The following CCBE1 variants were observed in gnomAD, a reference collection of about 807,000 sequenced individuals.
CCBE1 encodes the protein collagen and calcium binding EGF domains 1.
In CCBE1, 37 loss-of-function variants were observed where a neutral mutation model predicts 50.0. The observed-to-expected ratio is 0.74, with a 90% CI of 0.57 to 0.97. The LOEUF (loss-of-function observed/expected upper bound fraction) is 0.97. Among genes scored for constraint, CCBE1 ranks in the 50% least tolerant of loss-of-function variants. The probability of loss-of-function intolerance (pLI) is 0.00; values close to 1 mark genes in which losing one functional copy is unlikely to be tolerated. For missense variants in CCBE1, 538 were observed against 523.8 expected, an observed-to-expected ratio of 1.03 and a Z score of -0.26; for synonymous variants, 234 against 203.7, an observed-to-expected ratio of 1.15 and a Z score of -1.27.
chr18:59,593,001 C>A (rs187447390), intron 2 of CCBE1, among the ~76,000 whole-genome samples: 1 of 152,004 alleles, frequency 6.6e-6, no homozygotes, highest in African/African-American at 2.4e-5. Flanking sequence ...ATCAGTGATG[C>A]GTACATGGGC....
At chr18:59,495,822 A>C (rs585130) in intron 2 of CCBE1, among the ~76,000 whole-genome samples, 101,365 of 151,812 alleles carry the variant, frequency 0.67, 35,054 homozygotes, top group East Asian at 0.95. Flanking sequence ...TCTCCAGGCA[A>C]CTGCCGCTCT....
chr18:59,673,081 T>C (rs1599124163), intron 2 of CCBE1, among the ~76,000 whole-genome samples: 1 of 152,148 alleles, frequency 6.6e-6, no homozygotes, highest in Admixed American at 6.5e-5. Flanking sequence ...CCACCGCTGG[T>C]AAGTTATGGG....
At chr18:59,629,899 C>T (rs1445076631) in intron 2 of CCBE1, among the ~76,000 whole-genome samples, 1 of 152,192 alleles carries the variant, frequency 6.6e-6, no homozygotes, top group African/African-American at 2.4e-5. Context: ...CCATCACAAA[C>T]TTCATCCCAG....
chr18:59,485,389 C>A (rs1310225074), intron 2 of CCBE1, among the ~76,000 whole-genome samples: 1 of 152,036 alleles, frequency 6.6e-6, no homozygotes, highest in Non-Finnish European at 1.5e-5. Context: ...AGACTGTCTG[C>A]TGATCATTAT....
intron 2 of CCBE1, among the ~76,000 whole-genome samples, chr18:59,659,139 A>G (rs910394064): frequency 6.6e-6 from 1 of 152,196 alleles, no homozygotes; most frequent in African/African-American, 2.4e-5. Flanking sequence ...GGGTCATGAA[A>G]TAATGACTAC....
rs565225930 is a variant in CCBE1, at chr18:59,439,487, CAAAA to C, written c.951+52_951+55del. ...CTCAAAAAACAAAAACAAAACAAAA[CAAAA>C]AAATCGAAAGTGAGAGACCTTTAGC... On this transcript the variant is annotated intron_variant, in intron 9 of 10. Coordinates refer to ENST00000439986, the MANE Select transcript of CCBE1 (RefSeq NM_133459.4). The C allele has an allele frequency of 8.4e-3, 13,502 of 1,608,288 alleles. 81 individuals carry two copies. The highest frequency in any genetic ancestry group is 0.01 in the Non-Finnish European group (11,960 of 1,174,928).
chr18:59,678,812 C>T (rs2054545309), intron 2 of CCBE1, among the ~76,000 whole-genome samples: 1 of 152,160 alleles, frequency 6.6e-6, no homozygotes, highest in Admixed American at 6.5e-5. Flanking sequence ...AGGTTACAGG[C>T]ATGAACCACT....
chr18:59,663,795 A>AT (rs1160821689), intron 2 of CCBE1, among the ~76,000 whole-genome samples: 2 of 152,116 alleles, frequency 1.3e-5, no homozygotes, highest in African/African-American at 4.8e-5. Flanking sequence ...AAGTGATGGG[A>AT]TTTGGTAATC....
At chr18:59,683,032 T>C (rs2054612739) in intron 2 of CCBE1, among the ~76,000 whole-genome samples, 1 of 152,224 alleles carries the variant, frequency 6.6e-6, no homozygotes, top group African/African-American at 2.4e-5. Flanking sequence ...TCCATTCCCT[T>C]GGGTAGGTCA....
chr18:59,477,979 T>A (rs1435508053), intron 3 of CCBE1, among the ~76,000 whole-genome samples: 1 of 152,178 alleles, frequency 6.6e-6, no homozygotes, highest in African/African-American at 2.4e-5. Flanking sequence ...ATTTTTTAGA[T>A]GAGATTAACA....
chr18:59,628,131 C>T (rs1237444626), intron 2 of CCBE1, among the ~76,000 whole-genome samples: 2 of 152,120 alleles, frequency 1.3e-5, no homozygotes, highest in African/African-American at 4.8e-5. Flanking sequence ...GGAGAATCAC[C>T]TGAGCCTGGG....
At chr18:59,583,705 G>A (rs754636719) in intron 2 of CCBE1, among the ~76,000 whole-genome samples, 5 of 150,228 alleles carry the variant, frequency 3.3e-5, no homozygotes, top group South Asian at 4.2e-4. Context: ...GCGCGCGTGT[G>A]TGTGTATGTC....
chr18:59,456,790 T>C (rs1911213918), intron 5 of CCBE1, among the ~76,000 whole-genome samples: 1 of 152,186 alleles, frequency 6.6e-6, no homozygotes, highest in African/African-American at 2.4e-5. Context: ...ACATATGCAG[T>C]GACCAGGGCT....
intron 2 of CCBE1, among the ~76,000 whole-genome samples, chr18:59,487,651 G>C (rs554576331): frequency 3.9e-5 from 6 of 152,150 alleles, no homozygotes; most frequent in Admixed American, 2.6e-4. Context: ...CTGCCTATTT[G>C]TTCATCTACA....
At chr18:59,456,363 T>C (rs1911193921) in intron 5 of CCBE1, among the ~76,000 whole-genome samples, 1 of 152,156 alleles carries the variant, frequency 6.6e-6, no homozygotes, top group Admixed American at 6.5e-5. Context: ...ATAAAATCAG[T>C]TAAGATGAAG....
intron 2 of CCBE1, among the ~76,000 whole-genome samples, chr18:59,539,473 G>A (rs1944988): frequency 0.7 from 105,854 of 152,066 alleles, 37,170 homozygotes; most frequent in African/African-American, 0.78. Flanking sequence ...ACACCTGATT[G>A]TAGCCTATGA....
intron 2 of CCBE1, among the ~76,000 whole-genome samples, chr18:59,496,182 A>T (rs1913346959): frequency 6.6e-6 from 1 of 152,086 alleles, no homozygotes; most frequent in African/African-American, 2.4e-5. Context: ...CTCTGTAGAG[A>T]ATATCTTACG....
intron 2 of CCBE1, among the ~76,000 whole-genome samples, chr18:59,573,839 T>G (rs1024289312): frequency 1.3e-5 from 2 of 152,240 alleles, no homozygotes; most frequent in African/African-American, 2.4e-5. Context: ...ATTAAATGAT[T>G]CAGCTATTTA....
intron 2 of CCBE1, among the ~76,000 whole-genome samples, chr18:59,662,854 T>C (rs2054303372): frequency 6.6e-6 from 1 of 152,234 alleles, no homozygotes; most frequent in Non-Finnish European, 1.5e-5. Context: ...GGTGTACACC[T>C]GTAGTCCCAG....
Sources: gnomAD v4.1 joint callset for allele counts (sites outside exome capture counted in the v4.1 genomes callset) on GRCh38, gnomAD v4.1.1 for gene constraint, MANE v1.5 for transcripts, NCBI Gene and HGNC (gene_info 2026-07-23, HGNC 2026-07-21) for gene names.